The following TTC27 variants were observed in gnomAD, a reference collection of about 807,000 sequenced individuals.
TTC27 encodes the protein tetratricopeptide repeat domain 27, also known as tetratricopeptide repeat protein 27.
In TTC27, 79 loss-of-function variants were observed where a neutral mutation model predicts 115.9. The observed-to-expected ratio is 0.68, with a 90% confidence interval of 0.57 to 0.82. The LOEUF (loss-of-function observed/expected upper bound fraction) is 0.82, where lower values mean the gene tolerates loss of function less well. Ranked by LOEUF, TTC27 falls within the 40% of genes least tolerant of loss-of-function variation. The pLI is 0.00. For synonymous variants in TTC27, 401 were observed against 356.0 expected (o/e 1.13, Z -1.42); for missense variants, 1,054 against 993.1 (o/e 1.06, Z -0.82).
chr2:32,788,506 C>T (rs925673809), intron 16 of TTC27, among the ~76,000 whole-genome samples: 1 of 152,210 alleles, frequency 6.6e-6, no homozygotes, highest in African/African-American at 2.4e-5. Flanking sequence ...GCTGTGTCAT[C>T]TCTTTCTTAA....
At chr2:32,812,382 T>C (rs1457480108) in intron 17 of TTC27, 122 bp from the exon 18 acceptor site, 16 of 699,550 alleles carry the variant, frequency 2.3e-5, no homozygotes, top group Non-Finnish European at 3.8e-5. Context: ...ATAGACGCTG[T>C]GCTGTACAAC....
intron 7 of TTC27, among the ~76,000 whole-genome samples, chr2:32,670,283 C>A (rs956068057): frequency 6.6e-6 from 1 of 151,950 alleles, no homozygotes; most frequent in African/African-American, 2.4e-5. Context: ...TAAAATATAC[C>A]GATTTTAAAT....
rs1664191364 is a variant in TTC27 at position 32,631,197 on chromosome 2, G to A, written c.266+497G>A. On this transcript the variant is annotated intron_variant, in intron 2 of 19. Coordinates refer to ENST00000317907, the MANE Select transcript of TTC27 (RefSeq NM_017735.5). ...ATGCGCCTGTAATCCCAGCTGCTAG[G>A]GAGGCTGAGGCCGAAGAATCGCTTG... Among the ~76,000 whole-genome samples, 3 of 152,160 alleles carry A rather than the reference G, an allele frequency of 2.0e-5. No homozygotes were observed. The South Asian group carries it at 6.2e-4, about 32-fold the overall frequency.
At chr2:32,817,604 T>C in intron 19 of TTC27, 47 bp downstream of exon 19, 4 of 1,488,546 alleles carry the variant, frequency 2.7e-6, no homozygotes, top group Non-Finnish European at 3.8e-6. Context: ...TAGAAAAAGG[T>C]CATTAGTATC....
At chr2:32,785,901 G>C (rs1450290527) in intron 15 of TTC27, among the ~76,000 whole-genome samples, 1 of 151,234 alleles carries the variant, frequency 6.6e-6, no homozygotes, top group African/African-American at 2.4e-5. Flanking sequence ...GCCTGTTGTT[G>C]TTTTATTGCC....
At chr2:32,776,396 G>A (rs1305002201) in intron 13 of TTC27, among the ~76,000 whole-genome samples, 1 of 152,130 alleles carries the variant, frequency 6.6e-6, no homozygotes, top group African/African-American at 2.4e-5. Flanking sequence ...GGAAGGCTGT[G>A]GATAGAGAAC....
chr2:32,805,478 G>A (rs1473104897), intron 16 of TTC27, among the ~76,000 whole-genome samples: 1 of 152,158 alleles, frequency 6.6e-6, no homozygotes, highest in African/African-American at 2.4e-5. Flanking sequence ...GGGTAATAAA[G>A]TACCTGCTTC....
At position 32,758,298 on chromosome 2, in the gene TTC27, G is replaced by A; in HGVS notation, c.1459G>A (p.Glu487Lys). Reference sequence around the variant, plus strand: ...TTATTTCTGTTGTTTCTAGGCAGAAGAAATCCTTAGACAAGAGCTGGAGAA... The same window carrying A: ...TTATTTCTGTTGTTTCTAGGCAGAAAAAATCCTTAGACAAGAGCTGGAGAA... ...ERAGQHGKAEEILRQELEKKE... is the reference protein window; with the variant it reads ...ERAGQHGKAEKILRQELEKKE... The change falls in exon 13 of 20, where the codon GAA (glutamate) becomes AAA (lysine). Residue 487 changes from glutamate (E) to lysine (K), a missense_variant. Physicochemically the swap from Glu to Lys is moderately conservative, Grantham distance 56. Coordinates refer to ENST00000317907, the MANE Select transcript of TTC27 (RefSeq NM_017735.5). 6.2e-7 allele frequency: 1 copy of A among 1,614,000 alleles called. No homozygotes were observed. The highest frequency in any genetic ancestry group is 8.5e-7 in the Non-Finnish European group (1 of 1,179,968).
At chr2:32,746,133 A>G (rs1224985423) in intron 12 of TTC27, among the ~76,000 whole-genome samples, 1 of 152,210 alleles carries the variant, frequency 6.6e-6, no homozygotes, top group Non-Finnish European at 1.5e-5. Context: ...TGGGGTTTGC[A>G]TCTGAAAAGA....
chr2:32,647,530 G>A (rs1664912084), intron 4 of TTC27, among the ~76,000 whole-genome samples: 1 of 152,156 alleles, frequency 6.6e-6, no homozygotes, highest in Non-Finnish European at 1.5e-5. Context: ...AATTTGAAAG[G>A]ATTTTGTCAT....
At chr2:32,707,033 C>A (rs1255846777) in intron 10 of TTC27, among the ~76,000 whole-genome samples, 3 of 152,120 alleles carry the variant, frequency 2.0e-5, no homozygotes, top group Admixed American at 2.0e-4. Context: ...GTGTGCTGTC[C>A]TGGCACTTTG....
intron 14 of TTC27, among the ~76,000 whole-genome samples, chr2:32,780,913 A>G (rs889046659): frequency 2.1e-5 from 3 of 144,450 alleles, no homozygotes; most frequent in African/African-American, 7.8e-5. Context: ...TTAATGTTTT[A>G]TTTGAGAAGA....
At chr2:32,764,359 C>T (rs941562315) in intron 13 of TTC27, among the ~76,000 whole-genome samples, 3 of 151,962 alleles carry the variant, frequency 2.0e-5, no homozygotes, top group Non-Finnish European at 4.4e-5. Context: ...TGAGTTTATG[C>T]TGTAGTCTAT....
At chr2:32,759,849 T>A (rs1002082694) in intron 13 of TTC27, among the ~76,000 whole-genome samples, 1 of 152,262 alleles carries the variant, frequency 6.6e-6, no homozygotes, top group African/African-American at 2.4e-5. Flanking sequence ...ACAATATTTG[T>A]CCTTTTGTGA....
chr2:32,775,638 T>C lies in TTC27; in HGVS notation c.1681-2244T>C, dbSNP rs139831325. 3.4e-3 allele frequency among the ~76,000 whole-genome samples: 517 copies of C among 152,316 alleles called. 6 individuals are homozygous for C. Among genetic ancestry groups the C allele is most frequent in the African/African-American group, 0.012 (482 of 41,556 alleles). ...ATTTAGTCTCAAAATAAGAATCCCTTATTCCAAGTAAACTTGGTATCATAA... is the reference window on the plus strand; with the variant it reads ...ATTTAGTCTCAAAATAAGAATCCCTCATTCCAAGTAAACTTGGTATCATAA... On this transcript the variant is annotated intron_variant, in intron 13 of 19. Transcript: ENST00000317907.
chr2:32,688,354 C>T (rs1426968109), intron 9 of TTC27, among the ~76,000 whole-genome samples: 1 of 152,052 alleles, frequency 6.6e-6, no homozygotes, highest in Non-Finnish European at 1.5e-5. Context: ...ATTGTTATAA[C>T]ATTGGGTAGT....
intron 8 of TTC27, among the ~76,000 whole-genome samples, chr2:32,678,253 CA>C (rs10710939): frequency 0.57 from 56,748 of 99,230 alleles, 12,966 homozygotes; most frequent in East Asian, 0.66. Flanking sequence ...AGCCCTGTCT[CA>C]AAAAAAAAAA....
At chr2:32,745,767 ACTGAGCAGC>A (rs1668805226) in intron 12 of TTC27, among the ~76,000 whole-genome samples, 1 of 152,206 alleles carries the variant, frequency 6.6e-6, no homozygotes, top group Non-Finnish European at 1.5e-5. Context: ...ATGTGGAAAC[ACTGAGCAGC>A]CAGAGTCTCA....
chr2:32,806,566 G>A (rs755913088), intron 16 of TTC27, among the ~76,000 whole-genome samples: 3 of 152,174 alleles, frequency 2.0e-5, no homozygotes, highest in South Asian at 4.2e-4. Flanking sequence ...AGATCACGAG[G>A]TCAGGAGATC....
Sources: gnomAD v4.1 joint callset for allele counts (sites outside exome capture counted in the v4.1 genomes callset) on GRCh38, gnomAD v4.1.1 for gene constraint, MANE v1.5 for transcripts, NCBI Gene and HGNC (gene_info 2026-07-23, HGNC 2026-07-21) for gene names.